KCNJ6: variants seen among roughly 807,000 people sequenced by gnomAD.
KCNJ6 encodes potassium inwardly rectifying channel subfamily J member 6.
Under a neutral mutation model 34.2 loss-of-function variants are expected in KCNJ6, and 9 were observed. The ratio of observed to expected loss-of-function variants is 0.26; its 90% CI spans 0.16 to 0.46. The LOEUF (loss-of-function observed/expected upper bound fraction) is 0.46. Among genes scored for constraint, KCNJ6 ranks in the 20% least tolerant of loss-of-function variants. The pLI is 1.00. For missense variants in KCNJ6, 236 were observed against 531.3 expected (o/e 0.44, Z 5.46); for synonymous variants, 196 against 207.1 (o/e 0.95, Z 0.46).
chr21:37,694,878 C>A (rs997529390), intron 3 of KCNJ6, among the ~76,000 whole-genome samples: 1 of 152,146 alleles, frequency 6.6e-6, no homozygotes, highest in African/African-American at 2.4e-5. Context: ...TGTGCCTGCA[C>A]AGAGGAAAGG....
chr21:37,902,612 A>ACTCCTTGAAGAGAC (rs796963681), intron 1 of KCNJ6, among the ~76,000 whole-genome samples: 20 of 152,348 alleles, frequency 1.3e-4, no homozygotes, highest in African/African-American at 4.1e-4. Flanking sequence ...CTTCCATGAA[A>ACTCCTTGAAGAGAC]ACATAGGGGA....
intron 2 of KCNJ6, 116 bp downstream of exon 2, chr21:37,840,542 C>T: frequency 1.5e-6 from 1 of 677,812 alleles, no homozygotes; most frequent in Non-Finnish European, 2.6e-6. Flanking sequence ...AGATCTCGGT[C>T]CCGTAAGAGC....
intron 2 of KCNJ6, among the ~76,000 whole-genome samples, chr21:37,806,129 G>A (rs1478765214): frequency 6.6e-6 from 1 of 152,188 alleles, no homozygotes; most frequent in African/African-American, 2.4e-5. Context: ...TGGCTGACAT[G>A]GAAAGAAGCC....
intron 3 of KCNJ6, among the ~76,000 whole-genome samples, chr21:37,706,061 C>T (rs1464951336): frequency 2.3e-3 from 4 of 1,748 alleles, no homozygotes; most frequent in Admixed American, 8.8e-3. Context: ...TGTGCTTCCA[C>T]GAGAGCCTTA....
rs1181512763 is a variant in KCNJ6 at position 37,865,369 on chromosome 21, G to GT, written c.-27-24661dup. On this transcript the variant is annotated intron_variant, in intron 1 of 3. Transcript: ENST00000609713. The stretch of plus-strand genomic sequence containing the variant: ...ATATTTTCAGATAACCGTATATACT[G>GT]TTTTTTTGCCAGTCGTGTCCCATCA... Among the ~76,000 whole-genome samples the GT allele has an allele frequency of 3.3e-5, 5 of 152,256 alleles. No individual in the cohort carries two copies. The East Asian group carries it at 7.7e-4, about 24-fold the overall frequency.
intron 1 of KCNJ6, among the ~76,000 whole-genome samples, chr21:37,892,585 G>A (rs761089837): frequency 6.6e-6 from 1 of 152,140 alleles, no homozygotes. Context: ...TCCCTGCTGG[G>A]TCATTTGCAC....
chr21:37,888,980 CCT>C (rs2055748985), intron 1 of KCNJ6, among the ~76,000 whole-genome samples: 3 of 152,214 alleles, frequency 2.0e-5, no homozygotes, highest in Admixed American at 6.5e-5. Context: ...AGGCCAGAAG[CCT>C]GCTTCCTCTC....
At chr21:37,693,648 G>A (rs1367618831) in intron 3 of KCNJ6, among the ~76,000 whole-genome samples, 8 of 152,190 alleles carry the variant, frequency 5.3e-5, no homozygotes, top group Admixed American at 2.0e-4. Flanking sequence ...AAATTGATAC[G>A]TGATTTTGGG....
At chr21:37,781,297 G>A (rs552080415) in intron 2 of KCNJ6, among the ~76,000 whole-genome samples, 6 of 152,194 alleles carry the variant, frequency 3.9e-5, no homozygotes, top group African/African-American at 9.7e-5. Context: ...AAATATTTTC[G>A]TGTGCCAGCA....
intron 1 of KCNJ6, among the ~76,000 whole-genome samples, chr21:37,855,730 C>T (rs555821396): frequency 6.6e-6 from 1 of 152,128 alleles, no homozygotes; most frequent in East Asian, 1.9e-4. Context: ...TTAGCACTGC[C>T]GAGCCAAGAA....
At chr21:37,771,910 T>C (rs181256007) in intron 2 of KCNJ6, among the ~76,000 whole-genome samples, 7 of 152,304 alleles carry the variant, frequency 4.6e-5, no homozygotes, top group Admixed American at 3.9e-4. Context: ...CTACTGGGCA[T>C]GAGAGGTCCA....
chr21:37,914,919 T>G lies in KCNJ6; in HGVS notation c.-28+965A>C, dbSNP rs1009046116. Among the ~76,000 whole-genome samples, 22 of 139,480 alleles carry G rather than the reference T, an allele frequency of 1.6e-4. 1 individual carries two copies. The highest frequency in any genetic ancestry group is 5.8e-4 in the African/African-American group (20 of 34,744). 91.5% of individuals were successfully genotyped at this position (139,480 alleles called of 152,430 possible). On this transcript the variant is annotated intron_variant, in intron 1 of 3. Coordinates refer to ENST00000609713, the MANE Select transcript of KCNJ6 (RefSeq NM_002240.5). ...TCCCAAACACTGGAGTTGTGGGGTT[T>G]TTTTTTTTTTCTCTTCCTTTTTTTG...
At chr21:37,735,824 G>A in intron 2 of KCNJ6, among the ~76,000 whole-genome samples, 1 of 152,310 alleles carries the variant, frequency 6.6e-6, no homozygotes, top group Admixed American at 6.5e-5. Context: ...GGCAGCTGGG[G>A]CAGAGCTGGG....
intron 3 of KCNJ6, among the ~76,000 whole-genome samples, chr21:37,635,362 C>T (rs1381973498): frequency 6.6e-6 from 1 of 151,534 alleles, no homozygotes; most frequent in African/African-American, 2.4e-5. Flanking sequence ...GGAGTATAGG[C>T]GCTTGCCAGC....
intron 1 of KCNJ6, among the ~76,000 whole-genome samples, chr21:37,850,285 G>A (rs1055839989): frequency 2.0e-5 from 3 of 152,058 alleles, no homozygotes; most frequent in Non-Finnish European, 4.4e-5. Context: ...TGACATATAA[G>A]GGATACTTAG....
chr21:37,842,545 G>C (rs2055486213), intron 1 of KCNJ6, among the ~76,000 whole-genome samples: 1 of 152,138 alleles, frequency 6.6e-6, no homozygotes, highest in Admixed American at 6.5e-5. Flanking sequence ...ACTAATAATT[G>C]CCCTTGAGAA....
chr21:37,709,953 C>A (rs1025131341), intron 3 of KCNJ6, among the ~76,000 whole-genome samples: 2 of 152,204 alleles, frequency 1.3e-5, no homozygotes, highest in Admixed American at 6.5e-5. Flanking sequence ...ATTGGCCTTG[C>A]CTCCTTGTCT....
At chr21:37,783,198 C>T (rs1337279214) in intron 2 of KCNJ6, among the ~76,000 whole-genome samples, 5 of 152,164 alleles carry the variant, frequency 3.3e-5, no homozygotes, top group South Asian at 2.1e-4. Context: ...CCTTGATGCA[C>T]GCTGAGGGAG....
chr21:37,730,224 T>C (rs1308540215), intron 2 of KCNJ6, among the ~76,000 whole-genome samples: 3 of 152,208 alleles, frequency 2.0e-5, no homozygotes, highest in Non-Finnish European at 4.4e-5. Context: ...CAGCCTTAAG[T>C]CTTCATATGC....
Sources: gnomAD v4.1 joint callset for allele counts (sites outside exome capture counted in the v4.1 genomes callset) on GRCh38, gnomAD v4.1.1 for gene constraint, MANE v1.5 for transcripts, NCBI Gene and HGNC (gene_info 2026-07-23, HGNC 2026-07-21) for gene names.